Variants in SLC24A3 observed in about 807,000 individuals in gnomAD.
SLC24A3 encodes solute carrier family 24 member 3, also known as sodium/potassium/calcium exchanger 3.
Under a neutral mutation model 75.8 loss-of-function variants are expected in SLC24A3, and 28 were observed. That is an observed-to-expected ratio of 0.37 (90% CI 0.27 to 0.51). The LOEUF is 0.51. Among genes scored for constraint, SLC24A3 ranks in the 20% least tolerant of loss-of-function variants. The probability of loss-of-function intolerance (pLI) is 0.94; values close to 1 mark genes in which losing one functional copy is unlikely to be tolerated. For synonymous variants in SLC24A3, 372 were observed against 334.1 expected (o/e 1.11, Z -1.24); for missense variants, 663 against 847.8 (o/e 0.78, Z 2.71).
intron 2 of SLC24A3, among the ~76,000 whole-genome samples, chr20:19,319,257 C>T (rs114584152): frequency 0.013 from 1,911 of 152,258 alleles, 46 homozygotes; most frequent in African/African-American, 0.044. Flanking sequence ...AATTTTTGCT[C>T]CGTAAATATG....
intron 1 of SLC24A3, among the ~76,000 whole-genome samples, chr20:19,247,443 C>A (rs537640504): frequency 1.3e-3 from 193 of 152,254 alleles, no homozygotes; most frequent in Non-Finnish European, 2.2e-3. Context: ...CTATGACTTT[C>A]TCAGAAAACT....
chr20:19,299,180 GTGTGTGTGTGTGTGTGTA>G (rs1415452413), intron 2 of SLC24A3, among the ~76,000 whole-genome samples: 1 of 135,158 alleles, frequency 7.4e-6, no homozygotes, highest in Non-Finnish European at 1.6e-5. Flanking sequence ...TCCCCTTCGT[GTGTGTGTGTGTGTGTGTA>G]TGTGTGTGTG....
intron 8 of SLC24A3, among the ~76,000 whole-genome samples, chr20:19,673,104 C>T (rs1263115018): frequency 6.6e-6 from 1 of 152,202 alleles, no homozygotes; most frequent in Non-Finnish European, 1.5e-5. Flanking sequence ...CCTTCTTACT[C>T]TTCGACTGGT....
chr20:19,246,248 C>T (rs1029585772), intron 1 of SLC24A3, among the ~76,000 whole-genome samples: 5 of 151,896 alleles, frequency 3.3e-5, no homozygotes, highest in African/African-American at 1.2e-4. Flanking sequence ...GCTAATTGTT[C>T]AGTGTGATAA....
intron 2 of SLC24A3, among the ~76,000 whole-genome samples, chr20:19,415,159 T>C (rs1038691263): frequency 6.6e-6 from 1 of 152,158 alleles, no homozygotes; most frequent in Non-Finnish European, 1.5e-5. Context: ...GCAGGGGTCT[T>C]TGGGAAGTGA....
intron 15 of SLC24A3, among the ~76,000 whole-genome samples, chr20:19,711,254 CACACACAT>C (rs1256377147): frequency 6.6e-6 from 1 of 151,778 alleles, no homozygotes; most frequent in African/African-American, 2.4e-5. Flanking sequence ...CAAATGTGCA[CACACACAT>C]GCACACATGC....
At chr20:19,359,434 A>G (rs558471512) in intron 2 of SLC24A3, among the ~76,000 whole-genome samples, 2 of 152,224 alleles carry the variant, frequency 1.3e-5, no homozygotes, top group East Asian at 1.9e-4. Flanking sequence ...CCCAAAAGAG[A>G]GCTGCCAACC....
intron 2 of SLC24A3, among the ~76,000 whole-genome samples, chr20:19,321,647 T>C (rs1260060228): frequency 1.3e-5 from 2 of 152,348 alleles, no homozygotes; most frequent in East Asian, 3.9e-4. Context: ...TTAAATGGGC[T>C]TAAAATAATT....
At chr20:19,633,336 T>C (rs989315714) in intron 6 of SLC24A3, among the ~76,000 whole-genome samples, 1 of 152,192 alleles carries the variant, frequency 6.6e-6, no homozygotes, top group Non-Finnish European at 1.5e-5. Context: ...CATATCTGTG[T>C]CCAAATTCAT....
In SLC24A3 at chr20:19,353,858, T is replaced by G. The variant is rs184164027; in HGVS notation, c.271+72771T>G. Reference sequence around the variant, plus strand: ...AGGATGTGAAGACTCTGGACTCTAATATATGGTTGATGGACATGTAAGATG... The same window carrying G: ...AGGATGTGAAGACTCTGGACTCTAAGATATGGTTGATGGACATGTAAGATG... On this transcript the variant is annotated intron_variant, in intron 2 of 16. Coordinates refer to ENST00000328041, the MANE Select transcript of SLC24A3 (RefSeq NM_020689.4). Among the ~76,000 whole-genome samples, 114 of 152,338 alleles carry G rather than the reference T, an allele frequency of 7.5e-4. 1 individual carries two copies. Among genetic ancestry groups the G allele is most frequent in the African/African-American group, 2.2e-3 (91 of 41,596 alleles).
chr20:19,231,629 G>A (rs1982026609), intron 1 of SLC24A3, among the ~76,000 whole-genome samples: 1 of 152,238 alleles, frequency 6.6e-6, no homozygotes, highest in South Asian at 2.1e-4. Flanking sequence ...TAGGAATGCA[G>A]TCCTGCTGAC....
rs1266337068 is a variant in SLC24A3 at position 19,721,901 on chromosome 20, G to A, written c.*761G>A. Reference sequence around the variant, plus strand: ...TCTTATGGGCGTCCCCTGGGGTTGGGGGGGCACAAGGTTTTGGAGGAAGAA... The same window carrying A: ...TCTTATGGGCGTCCCCTGGGGTTGGAGGGGCACAAGGTTTTGGAGGAAGAA... On this transcript the variant is annotated 3_prime_UTR_variant, in exon 17 of 17. Coordinates refer to ENST00000328041, the MANE Select transcript of SLC24A3 (RefSeq NM_020689.4). 1 of 152,620 alleles carries A rather than the reference G, an allele frequency of 6.6e-6. No homozygotes were observed. The highest frequency in any genetic ancestry group is 2.4e-5 in the African/African-American group (1 of 41,412). The allele number at this position is 152,620 out of a possible 1,614,324, so 9.5% of individuals were successfully genotyped here. A position where few individuals can be genotyped will look rare whatever the true frequency, so the allele number is the denominator to read the frequency against.
intron 3 of SLC24A3, among the ~76,000 whole-genome samples, chr20:19,539,709 T>C (rs1600272127): frequency 6.6e-6 from 1 of 152,266 alleles, no homozygotes; most frequent in Non-Finnish European, 1.5e-5. Context: ...ATGTATTTAA[T>C]CAAGTTTCAT....
At chr20:19,584,401 T>C (rs1161494828) in intron 4 of SLC24A3, among the ~76,000 whole-genome samples, 3 of 152,032 alleles carry the variant, frequency 2.0e-5, no homozygotes, top group Non-Finnish European at 4.4e-5. Flanking sequence ...TCCTAAAGAC[T>C]CACAAACTGG....
chr20:19,257,885 G>C (rs1982863948), intron 1 of SLC24A3, among the ~76,000 whole-genome samples: 1 of 152,122 alleles, frequency 6.6e-6, no homozygotes, highest in Admixed American at 6.5e-5. Flanking sequence ...AAATGCAGTG[G>C]GGAGATCATA....
At chr20:19,304,395 C>T (rs908174493) in intron 2 of SLC24A3, among the ~76,000 whole-genome samples, 1 of 152,110 alleles carries the variant, frequency 6.6e-6, no homozygotes, top group Admixed American at 6.5e-5. Flanking sequence ...GCCTCATTGC[C>T]GGAACAAATT....
chr20:19,561,815 G>A (rs2030878780), intron 3 of SLC24A3, among the ~76,000 whole-genome samples: 1 of 152,136 alleles, frequency 6.6e-6, no homozygotes, highest in African/African-American at 2.4e-5. Context: ...AAGCCTTAGT[G>A]AGGTCAAAAT....
chr20:19,313,324 C>A (rs1984506744), intron 2 of SLC24A3, among the ~76,000 whole-genome samples: 1 of 152,200 alleles, frequency 6.6e-6, no homozygotes. Context: ...CATGAGCCAC[C>A]ACACACAGCC....
chr20:19,308,254 A>G (rs1387392363), intron 2 of SLC24A3, among the ~76,000 whole-genome samples: 1 of 152,234 alleles, frequency 6.6e-6, no homozygotes, highest in Admixed American at 6.5e-5. Context: ...CTAGTGGTAT[A>G]TTGACCAACT....
Sources: allele counts gnomAD v4.1 joint callset (sites outside exome capture counted in the v4.1 genomes callset), GRCh38; gene constraint gnomAD v4.1.1; transcripts MANE v1.5; gene names NCBI Gene and HGNC (gene_info 2026-07-23, HGNC 2026-07-21).